RHCE: variants seen among roughly 807,000 people sequenced by gnomAD.
RHCE encodes blood group Rh(CE) polypeptide.
Under a neutral mutation model 43.8 loss-of-function variants are expected in RHCE, and 22 were observed. That is an observed-to-expected ratio of 0.50 (90% CI 0.36 to 0.72). The LOEUF (loss-of-function observed/expected upper bound fraction) is 0.72, where lower values mean the gene tolerates loss of function less well. RHCE is among the 30% of genes least tolerant of loss of function. RHCE has a pLI of 0.00. For missense variants in RHCE, 385 were observed against 525.4 expected (o/e 0.73, Z 2.61); for synonymous variants, 156 against 210.7 (o/e 0.74, Z 2.25).
intron 9 of RHCE, among the ~76,000 whole-genome samples, chr1:25,370,192 C>T (rs943852972): frequency 2.0e-5 from 3 of 151,562 alleles, no homozygotes; most frequent in East Asian, 3.9e-4. Context: ...CTGCAGATAG[C>T]GGGAGGGGAA....
At chr1:25,370,915 ATTTTT>A (rs77875421) in intron 8 of RHCE, among the ~76,000 whole-genome samples, 2 of 124,764 alleles carry the variant, frequency 1.6e-5, no homozygotes, top group Non-Finnish European at 3.4e-5. Flanking sequence ...CATCCAGCTA[ATTTTT>A]TTTTTTTTTT....
chr1:25,417,204 G>T (rs1163781312), intron 1 of RHCE, among the ~76,000 whole-genome samples: 7 of 150,834 alleles, frequency 4.6e-5, no homozygotes, highest in Non-Finnish European at 1.0e-4. Context: ...AATAATCCTT[G>T]TATATCGTAA....
chr1:25,362,418 C>T lies in RHCE; in HGVS notation c.*109G>A, dbSNP rs1206100145. ...CTGTCTCTGACCTTGTTTCATTATACATAAGGAGACTTTGCTGTCATGAGC... is the reference window on the plus strand; with the variant it reads ...CTGTCTCTGACCTTGTTTCATTATATATAAGGAGACTTTGCTGTCATGAGC... On this transcript the variant is annotated 3_prime_UTR_variant, in exon 10 of 10. Coordinates refer to ENST00000294413, the MANE Select transcript of RHCE (RefSeq NM_020485.8). 1.2e-6 allele frequency: 2 copies of T among 1,613,630 alleles called. No individual in the cohort carries two copies. The highest frequency in any genetic ancestry group is 1.7e-6 in the Non-Finnish European group (2 of 1,179,728).
intron 7 of RHCE, among the ~76,000 whole-genome samples, chr1:25,376,695 A>G (rs568815880): frequency 2.0e-5 from 3 of 152,146 alleles, no homozygotes; most frequent in African/African-American, 7.2e-5. Flanking sequence ...CGGGTGGATC[A>G]TGAGGTCAGG....
chr1:25,412,947 C>T (rs1171235568), intron 1 of RHCE, among the ~76,000 whole-genome samples: 5 of 152,156 alleles, frequency 3.3e-5, no homozygotes, highest in South Asian at 4.1e-4. Context: ...TCGCTTGAAC[C>T]CAGAAGGCTG....
intron 3 of RHCE, among the ~76,000 whole-genome samples, chr1:25,397,188 C>T (rs1646574651): frequency 1.4e-5 from 2 of 145,194 alleles, no homozygotes; most frequent in African/African-American, 5.2e-5. Context: ...ATGAAGACAA[C>T]CAAAAATTAA....
At chr1:25,413,391 CTG>C (rs1647160779) in intron 1 of RHCE, among the ~76,000 whole-genome samples, 1 of 152,140 alleles carries the variant, frequency 6.6e-6, no homozygotes, top group Admixed American at 6.6e-5. Context: ...AGCATCCTCA[CTG>C]GTATCAGCCT....
chr1:25,386,931 TGAGGTAG>T (rs1429479357), intron 6 of RHCE, among the ~76,000 whole-genome samples: 10 of 152,028 alleles, frequency 6.6e-5, no homozygotes, highest in Non-Finnish European at 7.4e-5. Context: ...CTCAGGAGGC[TGAGGTAG>T]GAGAATCACT....
rs773283675 is a variant in RHCE at position 25,402,755 on chromosome 1, G to A, written c.336-9C>T. On this transcript the variant is annotated splice_polypyrimidine_tract_variant and intron_variant, in intron 2 of 9. Coordinates refer to ENST00000294413, the MANE Select transcript of RHCE (RefSeq NM_020485.8). ...TGGTGGCCAGCCGAATACTGGGGGT[G>A]AGAAGGAGAGCCAGGATGACTGAGA... 3.1e-6 allele frequency: 5 copies of A among 1,614,192 alleles called. No homozygotes were observed. Among genetic ancestry groups the A allele is most frequent in the East Asian group, 2.2e-5 (1 of 44,884 alleles).
intron 1 of RHCE, among the ~76,000 whole-genome samples, chr1:25,415,181 A>C (rs1307920191): frequency 1.3e-5 from 2 of 152,036 alleles, no homozygotes; most frequent in Middle Eastern, 3.2e-3. Flanking sequence ...TATCTCCTAA[A>C]TATCTCTAGA....
chr1:25,377,713 C>A (rs1347386650), intron 7 of RHCE, among the ~76,000 whole-genome samples: 1 of 152,216 alleles, frequency 6.6e-6, no homozygotes, highest in East Asian at 1.9e-4. Context: ...GCCAACATGG[C>A]AAAACCCTGT....
At chr1:25,388,676 G>T (rs1035355767) in intron 6 of RHCE, among the ~76,000 whole-genome samples, 1 of 152,240 alleles carries the variant, frequency 6.6e-6, no homozygotes, top group Middle Eastern at 3.4e-3. Flanking sequence ...TAAAACAGGG[G>T]CTTCTGGGCT....
At chr1:25,385,888 A>G (rs1307132934) in intron 6 of RHCE, 44 bp from the exon 7 acceptor site, 1 of 1,613,894 alleles carries the variant, frequency 6.2e-7, no homozygotes, top group African/African-American at 1.3e-5. Flanking sequence ...GGTGAGACCC[A>G]TATTCCCTAC....
upstream of RHCE, chr1:25,420,998 T>C (rs2042753313): frequency 4.9e-6 from 3 of 617,636 alleles, no homozygotes; most frequent in South Asian, 1.9e-5. Flanking sequence ...TTTTCCAATA[T>C]TGTCATTCAT....
intron 2 of RHCE, among the ~76,000 whole-genome samples, chr1:25,405,189 C>T (rs2124486676): frequency 6.6e-6 from 1 of 152,140 alleles, no homozygotes; most frequent in East Asian, 1.9e-4. Flanking sequence ...GAGGTCCTGT[C>T]TCTGCAGAAG....
chr1:25,424,250 C>T (rs1201775410), upstream of RHCE, among the ~76,000 whole-genome samples: 2 of 152,118 alleles, frequency 1.3e-5, no homozygotes, highest in African/African-American at 4.8e-5. Context: ...ACAATATTTC[C>T]TACTTACCAT....
intron 7 of RHCE, among the ~76,000 whole-genome samples, chr1:25,383,716 T>C (rs939422235): frequency 2.0e-5 from 3 of 151,986 alleles, no homozygotes; most frequent in Non-Finnish European, 4.4e-5. Context: ...TAACTGCTTC[T>C]TGGTCCTCAA....
chr1:25,384,610 C>T (rs1455590517), intron 7 of RHCE, among the ~76,000 whole-genome samples: 1 of 152,174 alleles, frequency 6.6e-6, no homozygotes, highest in African/African-American at 2.4e-5. Context: ...TCATCCCAAG[C>T]AAGGATGTCT....
intron 8 of RHCE, among the ~76,000 whole-genome samples, chr1:25,370,900 C>T (rs947712234): frequency 1.3e-5 from 2 of 149,168 alleles, no homozygotes; most frequent in African/African-American, 5.0e-5. Flanking sequence ...AGGCGCCTGC[C>T]ACCACATCCA....
Sources: allele counts gnomAD v4.1 joint callset (sites outside exome capture counted in the v4.1 genomes callset), GRCh38; gene constraint gnomAD v4.1.1; transcripts MANE v1.5; gene names NCBI Gene and HGNC (gene_info 2026-07-23, HGNC 2026-07-21).